Variants in HS6ST2 observed in about 807,000 individuals in gnomAD.
HS6ST2 encodes the protein heparan-sulfate 6-O-sulfotransferase 2.
A neutral mutation model predicts 33.0 loss-of-function variants in HS6ST2; 17 were observed. That is an observed-to-expected ratio of 0.52 (90% CI 0.35 to 0.77). HS6ST2 has a LOEUF of 0.77. Among genes scored for constraint, HS6ST2 ranks in the 30% least tolerant of loss-of-function variants. HS6ST2 has a pLI of 0.01. For missense variants in HS6ST2, 519 were observed against 551.7 expected (o/e 0.94, Z 0.59); for synonymous variants, 248 against 237.1 (o/e 1.05, Z -0.42).
At chrX:132,823,427 C>G (rs887286308) in intron 2 of HS6ST2, among the ~76,000 whole-genome samples, 1 of 110,077 alleles carries the variant, frequency 9.1e-6, no homozygotes, top group Non-Finnish European at 1.9e-5. Flanking sequence ...CTGGCCCACT[C>G]CCACCCTCCT....
chrX:132,943,018 T>A (rs1319924522), intron 2 of HS6ST2, among the ~76,000 whole-genome samples: 2 of 112,439 alleles, frequency 1.8e-5, no homozygotes, highest in Non-Finnish European at 1.9e-5. Flanking sequence ...ATCATACTTA[T>A]GTGTAAATCT....
chrX:132,882,100 C>T (rs758453620), intron 2 of HS6ST2, among the ~76,000 whole-genome samples: 20 of 111,200 alleles, frequency 1.8e-4, no homozygotes, highest in South Asian at 3.9e-4. Flanking sequence ...ATTGACTTGG[C>T]GATGCAGGCT....
chrX:132,957,189 G>C lies in HS6ST2; in HGVS notation c.566C>G (p.Pro189Arg), dbSNP rs1157677430. The change falls in exon 2 of 5, where the codon CCG becomes CGG. Residue 189 changes from proline to arginine, a missense_variant. Coordinates refer to ENST00000370833, the MANE Select transcript of HS6ST2 (RefSeq NM_001394073.1). ...QLLRLQAFSSPVPDPYRSEDE... is the reference protein window; with the variant it reads ...QLLRLQAFSSRVPDPYRSEDE... ...CTCCGAGCGGTACGGGTCCGGCACC[G>C]GGGAGCTGAACGCCTGCAGGCGGAG... 4.1e-6 allele frequency: 5 copies of C among 1,211,478 alleles called. No individual in the cohort carries two copies. Among genetic ancestry groups the C allele is most frequent in the Non-Finnish European group, 5.6e-6 (5 of 895,214 alleles).
chrX:132,859,601 G>T (rs1388132091), intron 2 of HS6ST2, among the ~76,000 whole-genome samples: 2 of 103,606 alleles, frequency 1.9e-5, no homozygotes, highest in South Asian at 9.8e-4. Context: ...AAAGAAAAGA[G>T]GAGGGGAGGA....
intron 4 of HS6ST2, among the ~76,000 whole-genome samples, chrX:132,643,196 A>C (rs1373341216): frequency 9.0e-6 from 1 of 111,600 alleles, no homozygotes; most frequent in East Asian, 2.8e-4. Context: ...GACAGAATAG[A>C]ATCTTTTTTT....
intron 2 of HS6ST2, among the ~76,000 whole-genome samples, chrX:132,721,633 A>G (rs964762696): frequency 5.4e-5 from 6 of 112,101 alleles, no homozygotes; most frequent in Non-Finnish European, 1.1e-4. Context: ...TGGAATAATA[A>G]AAATTCATTT....
At chrX:132,908,821 T>C (rs758023597) in intron 2 of HS6ST2, among the ~76,000 whole-genome samples, 1 of 110,400 alleles carries the variant, frequency 9.1e-6, no homozygotes, top group African/African-American at 3.3e-5. Flanking sequence ...TACAACTTCG[T>C]AAATATACTA....
intron 2 of HS6ST2, among the ~76,000 whole-genome samples, chrX:132,821,650 TAA>T (rs1029948810): frequency 9.0e-6 from 1 of 110,630 alleles, no homozygotes; most frequent in Non-Finnish European, 1.9e-5. Context: ...ATGAAGAATC[TAA>T]AAGAGTCCAG....
chrX:132,749,753 C>T (rs2064681613), intron 2 of HS6ST2, among the ~76,000 whole-genome samples: 1 of 111,528 alleles, frequency 9.0e-6, no homozygotes, highest in Admixed American at 9.5e-5. Flanking sequence ...CAGAGTCATT[C>T]AGCAGTATCA....
chrX:132,810,885 T>C (rs1002752152), intron 2 of HS6ST2, among the ~76,000 whole-genome samples: 2 of 112,207 alleles, frequency 1.8e-5, no homozygotes, highest in African/African-American at 6.5e-5. Context: ...GCTGAGTACA[T>C]CTATGATCAG....
At position 132,713,929 on chromosome X, in the gene HS6ST2, C is replaced by G. The variant is rs919686854; in HGVS notation, c.948-5435G>C. ...AGCCTTCTAGATCCAGAGGAATGAT[C>G]CTATATTGGTTTGATCTCCAGTCCT... On this transcript the variant is annotated intron_variant, in intron 2 of 4. Transcript: ENST00000370833. Among the ~76,000 whole-genome samples the G allele has an allele frequency of 8.1e-5, 9 of 111,578 alleles. No individual in the cohort carries two copies. The East Asian group carries it at 2.3e-3, about 28-fold the overall frequency.
At chrX:132,662,666 G>A (rs1239955750) in intron 4 of HS6ST2, among the ~76,000 whole-genome samples, 1 of 112,036 alleles carries the variant, frequency 8.9e-6, no homozygotes, top group African/African-American at 3.2e-5. Context: ...TGGGTTGGGG[G>A]GGTGGATTTA....
At chrX:132,828,691 TATACACACACACACACACACAC>T (rs1275771999) in intron 2 of HS6ST2, among the ~76,000 whole-genome samples, 2 of 56,350 alleles carry the variant, frequency 3.5e-5, no homozygotes, top group African/African-American at 8.2e-5. Flanking sequence ...TATATATATA[TATACACACACACACACACACAC>T]ACACACACAC....
At chrX:132,865,567 T>G (rs1231014143) in intron 2 of HS6ST2, among the ~76,000 whole-genome samples, 1 of 110,972 alleles carries the variant, frequency 9.0e-6, no homozygotes, top group African/African-American at 3.3e-5. Context: ...ACTTCCACAA[T>G]GGTTGAACTA....
At chrX:132,869,382 T>C (rs1240898608) in intron 2 of HS6ST2, among the ~76,000 whole-genome samples, 1 of 111,339 alleles carries the variant, frequency 9.0e-6, no homozygotes, top group African/African-American at 3.3e-5. Flanking sequence ...TTCCAATCAA[T>C]AGAAAAAGAG....
intron 2 of HS6ST2, among the ~76,000 whole-genome samples, chrX:132,953,438 C>T (rs973790594): frequency 9.9e-5 from 11 of 111,520 alleles, no homozygotes; most frequent in African/African-American, 2.9e-4. Context: ...TATATATCAC[C>T]CAAGCACTTA....
At chrX:132,884,529 C>G (rs1009058941) in intron 2 of HS6ST2, among the ~76,000 whole-genome samples, 2 of 111,888 alleles carry the variant, frequency 1.8e-5, no homozygotes, top group African/African-American at 6.5e-5. Context: ...CCACAAGACA[C>G]TAAGTGCCAT....
At chrX:132,719,787 G>A (rs187801186) in intron 2 of HS6ST2, among the ~76,000 whole-genome samples, 2 of 112,710 alleles carry the variant, frequency 1.8e-5, no homozygotes, top group Non-Finnish European at 3.8e-5. Flanking sequence ...CTTGGCTGAT[G>A]CCTGATTCTC....
chrX:132,693,488 G>C (rs894671773), intron 3 of HS6ST2, among the ~76,000 whole-genome samples: 3 of 111,572 alleles, frequency 2.7e-5, no homozygotes, highest in Non-Finnish European at 5.6e-5. Context: ...AGCCTGGAAG[G>C]GGGGCAAGAT....
Sources: allele counts gnomAD v4.1 joint callset (sites outside exome capture counted in the v4.1 genomes callset), GRCh38; gene constraint gnomAD v4.1.1; transcripts MANE v1.5; gene names NCBI Gene and HGNC (gene_info 2026-07-23, HGNC 2026-07-21).